NLRP14: variants seen among roughly 807,000 people sequenced by gnomAD.
The protein encoded by NLRP14 is NACHT, LRR and PYD domains-containing protein 14.
NLRP14 carries 105 observed loss-of-function variants against 94.7 expected under a neutral mutation model. That is an observed-to-expected ratio of 1.11 (90% CI 0.95 to 1.30). The LOEUF (loss-of-function observed/expected upper bound fraction) is 1.30, where lower values mean the gene tolerates loss of function less well. Ranked by LOEUF, NLRP14 falls within the 50% of genes most tolerant of loss-of-function variation. The pLI is 0.00. For synonymous variants in NLRP14, 508 were observed against 459.9 expected, an observed-to-expected ratio of 1.10 and a Z score of -1.34; for missense variants, 1,362 against 1,254.1, an observed-to-expected ratio of 1.09 and a Z score of -1.30.
At chr11:7,066,535 T>G (rs1443856018) in intron 10 of NLRP14, among the ~76,000 whole-genome samples, 1 of 152,216 alleles carries the variant, frequency 6.6e-6, no homozygotes, top group African/African-American at 2.4e-5. Flanking sequence ...TCATATCCTT[T>G]GCCCACTTTT....
chr11:7,065,847 T>TA (rs1852696680), intron 10 of NLRP14, among the ~76,000 whole-genome samples: 1 of 152,126 alleles, frequency 6.6e-6, no homozygotes, highest in Non-Finnish European at 1.5e-5. Context: ...CTCCTAATGC[T>TA]ATCCCTCTGC....
At chr11:7,063,461 C>T (rs745680877) in intron 10 of NLRP14, among the ~76,000 whole-genome samples, 6 of 152,036 alleles carry the variant, frequency 3.9e-5, no homozygotes, top group Admixed American at 1.3e-4. Flanking sequence ...CAGTAATAAG[C>T]CTGCTGTTTG....
chr11:7,089,945 C>A, the NLRP14 span: 1 of 1,613,054 alleles, frequency 6.2e-7, no homozygotes, highest in South Asian at 1.1e-5. Flanking sequence ...ATCATCTGAG[C>A]AGAGGCTCCC....
At chr11:7,069,185 T>C (rs1852752970) in intron 10 of NLRP14, among the ~76,000 whole-genome samples, 1 of 152,236 alleles carries the variant, frequency 6.6e-6, no homozygotes, top group African/African-American at 2.4e-5. Context: ...GATAACACTT[T>C]GTTTTACGAT....
chr11:7,053,698 G>A lies in NLRP14; in HGVS notation c.2291+3860G>A, dbSNP rs186166890. Among the ~76,000 whole-genome samples, 777 of 151,214 alleles carry A rather than the reference G, an allele frequency of 5.1e-3. 3 individuals carry two copies. Among genetic ancestry groups the A allele is most frequent in the African/African-American group, 0.012 (499 of 41,266 alleles). On this transcript the variant is annotated intron_variant, in intron 6 of 11. Coordinates refer to ENST00000299481, the MANE Select transcript of NLRP14 (RefSeq NM_176822.4). ...GTACATAGTAGGTGTGTATACTTAC[G>A]GGTTACATGCAATATTTTGATACAA...
Position 7,042,610 on chromosome 11 carries a change from AG to A in NLRP14, c.586del (p.Ala196GlnfsTer3), listed in dbSNP as rs1273105483. On this transcript the variant is annotated frameshift_variant, in exon 4 of 12. Coordinates refer to ENST00000299481, the MANE Select transcript of NLRP14 (RefSeq NM_176822.4). LOFTEE classifies it high-confidence loss of function. Reference protein sequence around the residue: ...AGVGKTTLVRKAMLDWAEGSL... With the variant: ...AGVGKTTLVRXAMLDWAEGSL... ...GTTGGGAAAACAACCTTGGTGAGAA[AG>A]GCAATGTTAGATTGGGCAGAGGGCA... 3.1e-6 allele frequency: 5 copies of A among 1,614,252 alleles called. No homozygotes were observed. Among genetic ancestry groups the A allele is most frequent in the Admixed American group, 1.7e-5 (1 of 60,032 alleles).
chr11:7,059,088 G>C lies in NLRP14; in HGVS notation c.2633+638G>C, dbSNP rs60918671. Among the ~76,000 whole-genome samples the C allele has an allele frequency of 6.5e-3, 986 of 151,632 alleles. 5 individuals carry two copies. Among genetic ancestry groups the C allele is most frequent in the African/African-American group, 0.023 (939 of 41,410 alleles). ...TAACTTTTAAAGTAATTTAAATCTTGAGCATCTTTTCAAATGTTTTTGGCC... is the reference window on the plus strand; with the variant it reads ...TAACTTTTAAAGTAATTTAAATCTTCAGCATCTTTTCAAATGTTTTTGGCC... On this transcript the variant is annotated intron_variant, in intron 8 of 11. Transcript: ENST00000299481.
chr11:7,087,572 G>T, the NLRP14 span, among the ~76,000 whole-genome samples: 1 of 152,170 alleles, frequency 6.6e-6, no homozygotes, highest in African/African-American at 2.4e-5. Context: ...TGGTTACATG[G>T]ATATACACAC....
chr11:7,023,388 G>A (rs1464522987), intron 1 of NLRP14, among the ~76,000 whole-genome samples: 4 of 143,494 alleles, frequency 2.8e-5, no homozygotes, highest in African/African-American at 7.6e-5. Context: ...TGTTTAGCTT[G>A]GAAATTTTTT....
the NLRP14 span, among the ~76,000 whole-genome samples, chr11:7,083,547 C>T: frequency 1.3e-5 from 2 of 152,182 alleles, no homozygotes; most frequent in African/African-American, 4.8e-5. Context: ...TCCCACCTAC[C>T]AGCTTGTTCA....
At chr11:7,022,291 A>G (rs1851957997) in intron 1 of NLRP14, among the ~76,000 whole-genome samples, 1 of 152,206 alleles carries the variant, frequency 6.6e-6, no homozygotes, top group East Asian at 1.9e-4. Context: ...GGGAGCAGTC[A>G]CCAGATGCCT....
chr11:7,044,694 T>A (rs901479003), intron 4 of NLRP14, among the ~76,000 whole-genome samples: 1 of 152,220 alleles, frequency 6.6e-6, no homozygotes, highest in African/African-American at 2.4e-5. Context: ...AGATTTGAAC[T>A]ATGGAATTCA....
intron 1 of NLRP14, among the ~76,000 whole-genome samples, chr11:7,034,619 A>G (rs1852137438): frequency 6.6e-6 from 1 of 152,328 alleles, no homozygotes; most frequent in Non-Finnish European, 1.5e-5. Flanking sequence ...TTGTGTTTGA[A>G]TTCTAAGGAC....
intron 5 of NLRP14, 103 bp from the exon 6 acceptor site, chr11:7,049,568 G>T (rs1022159401): frequency 1.2e-6 from 1 of 838,796 alleles, no homozygotes; most frequent in African/African-American, 1.7e-5. Flanking sequence ...TAAGATAAAA[G>T]AATATTCATG....
intron 5 of NLRP14, among the ~76,000 whole-genome samples, chr11:7,047,317 CGT>C (rs386750343): frequency 3.4e-5 from 2 of 59,046 alleles, no homozygotes; most frequent in Non-Finnish European, 6.5e-5. Context: ...GTACCCCTTT[CGT>C]TTTTTTTTTT....
intron 1 of NLRP14, among the ~76,000 whole-genome samples, chr11:7,031,401 C>T (rs1407484452): frequency 2.0e-5 from 3 of 152,148 alleles, no homozygotes; most frequent in African/African-American, 7.2e-5. Context: ...CACTTCTGGG[C>T]ATGGCGCCGG....
the NLRP14 span, among the ~76,000 whole-genome samples, chr11:7,088,143 GA>G: frequency 2.0e-5 from 3 of 152,112 alleles, no homozygotes; most frequent in Non-Finnish European, 4.4e-5. Flanking sequence ...AACATTTAGA[GA>G]ATACACTTTC....
intron 9 of NLRP14, among the ~76,000 whole-genome samples, chr11:7,061,489 A>T (rs1852619848): frequency 6.6e-6 from 1 of 152,058 alleles, no homozygotes; most frequent in Non-Finnish European, 1.5e-5. Flanking sequence ...AGACCATGTC[A>T]ATTCTCTTAA....
At chr11:7,089,524 C>T in the NLRP14 span, 1 of 1,209,540 alleles carries the variant, frequency 8.3e-7, no homozygotes, top group Non-Finnish European at 1.0e-6. Flanking sequence ...GGCTACACGG[C>T]GGATTTCGAC....
Sources: gnomAD v4.1 joint callset for allele counts (sites outside exome capture counted in the v4.1 genomes callset) on GRCh38, gnomAD v4.1.1 for gene constraint, MANE v1.5 for transcripts, NCBI Gene and HGNC (gene_info 2026-07-23, HGNC 2026-07-21) for gene names.